VSTM2A: variants seen among roughly 807,000 people sequenced by gnomAD.
VSTM2A encodes the protein V-set and transmembrane domain containing 2A, also known as V-set and transmembrane domain-containing protein 2A.
In VSTM2A, 13 loss-of-function variants were observed where a neutral mutation model predicts 27.3. That is an observed-to-expected ratio of 0.48 (90% CI 0.31 to 0.76). The LOEUF (loss-of-function observed/expected upper bound fraction) is 0.76, where lower values mean the gene tolerates loss of function less well. Ranked by LOEUF, VSTM2A falls within the 30% of genes least tolerant of loss-of-function variation. VSTM2A has a pLI of 0.05. For synonymous variants in VSTM2A, 142 were observed against 125.7 expected, an observed-to-expected ratio of 1.13 and a Z score of -0.87; for missense variants, 280 against 310.0, an observed-to-expected ratio of 0.90 and a Z score of 0.73.
At chr7:54,550,254 A>G (rs1788146083) in intron 4 of VSTM2A, 84 bp downstream of exon 4, 1 of 1,530,126 alleles carries the variant, frequency 6.5e-7, no homozygotes, top group African/African-American at 1.4e-5. Flanking sequence ...AGACAGATTT[A>G]TGAATGGTGA....
At chr7:54,543,976 T>C (rs1787863124) in intron 1 of VSTM2A, among the ~76,000 whole-genome samples, 1 of 152,228 alleles carries the variant, frequency 6.6e-6, no homozygotes, top group Non-Finnish European at 1.5e-5. Context: ...GAACTAAGCC[T>C]GGATGTGTGA....
At chr7:54,548,024 A>T (rs1788058870) in intron 3 of VSTM2A, among the ~76,000 whole-genome samples, 2 of 152,218 alleles carry the variant, frequency 1.3e-5, no homozygotes, top group South Asian at 4.1e-4. Context: ...TACTTCAATT[A>T]TTCTTATATC....
intron 4 of VSTM2A, among the ~76,000 whole-genome samples, chr7:54,560,258 A>G (rs1328825804): frequency 1.3e-5 from 2 of 152,140 alleles, no homozygotes; most frequent in Non-Finnish European, 2.9e-5. Flanking sequence ...TGTTGTGAAA[A>G]TGGTCGGTAC....
intron 4 of VSTM2A, among the ~76,000 whole-genome samples, chr7:54,563,166 T>G (rs1470833741): frequency 6.6e-6 from 1 of 152,144 alleles, no homozygotes; most frequent in African/African-American, 2.4e-5. Context: ...TAAGCAGAAT[T>G]AGGAAAGTAT....
At chr7:54,561,389 A>G (rs1185591392) in intron 4 of VSTM2A, among the ~76,000 whole-genome samples, 1 of 146,600 alleles carries the variant, frequency 6.8e-6, no homozygotes, top group Non-Finnish European at 1.5e-5. Flanking sequence ...CGTTTAAGAA[A>G]ACAACTCCAG....
chr7:54,546,681 C>A (rs1584045362), intron 2 of VSTM2A: 2 of 264,648 alleles, frequency 7.6e-6, no homozygotes, highest in Non-Finnish European at 1.3e-5. Flanking sequence ...GGGACAGCGC[C>A]GGGACAGCGC....
At chr7:54,546,500 C>A (rs1787974808) in intron 2 of VSTM2A, among the ~76,000 whole-genome samples, 1 of 151,686 alleles carries the variant, frequency 6.6e-6, no homozygotes, top group African/African-American at 2.4e-5. Context: ...GAGCACTTCA[C>A]CTTCACTCAC....
chr7:54,544,497 C>A (rs1412957406), intron 1 of VSTM2A, 125 bp from the exon 2 acceptor site: 2 of 1,210,490 alleles, frequency 1.7e-6, no homozygotes, highest in Non-Finnish European at 1.2e-6. Flanking sequence ...CCAGACGAAG[C>A]CGAGGATGTA....
At chr7:54,556,531 A>T (rs1392961439) in intron 4 of VSTM2A, among the ~76,000 whole-genome samples, 5 of 152,190 alleles carry the variant, frequency 3.3e-5, no homozygotes, top group Non-Finnish European at 7.3e-5. Flanking sequence ...CAGTCATATA[A>T]TTCAGCCCTT....
At chr7:54,546,480 A>C (rs988903316) in intron 2 of VSTM2A, among the ~76,000 whole-genome samples, 3 of 151,496 alleles carry the variant, frequency 2.0e-5, no homozygotes, top group African/African-American at 7.3e-5. Flanking sequence ...AGGCGCGAAA[A>C]TTCGTCCCGG....
At chr7:54,564,850 T>C (rs1788671482) in intron 4 of VSTM2A, among the ~76,000 whole-genome samples, 1 of 22,292 alleles carries the variant, frequency 4.5e-5, no homozygotes, top group Admixed American at 3.6e-4. Context: ...GTCTATGCTA[T>C]GAAAAGTTCA....
chr7:54,547,068 G>A, intron 3 of VSTM2A, 71 bp downstream of exon 3: 2 of 1,486,132 alleles, frequency 1.3e-6, no homozygotes, highest in South Asian at 1.3e-5. Flanking sequence ...TCCCCGAGAA[G>A]GCGGCTTGCC....
chr7:54,548,606 G>A (rs918748618), intron 3 of VSTM2A, among the ~76,000 whole-genome samples: 2 of 152,230 alleles, frequency 1.3e-5, no homozygotes, highest in African/African-American at 4.8e-5. Context: ...TATAAAATGG[G>A]ATAATAATAT....
intron 2 of VSTM2A, 85 bp from the exon 3 acceptor site, chr7:54,546,862 C>A: frequency 6.5e-7 from 1 of 1,547,906 alleles, no homozygotes; most frequent in Non-Finnish European, 8.7e-7. Flanking sequence ...ACGGCCCTGC[C>A]CGGAGCCGCG....
At chr7:54,564,832 C>T (rs1260516727) in intron 4 of VSTM2A, among the ~76,000 whole-genome samples, 1 of 147,308 alleles carries the variant, frequency 6.8e-6, no homozygotes, top group Non-Finnish European at 1.5e-5. Context: ...CCTTTGTAAG[C>T]TGTAAAAGTC....
intron 4 of VSTM2A, among the ~76,000 whole-genome samples, chr7:54,555,044 A>C (rs977180740): frequency 6.6e-6 from 1 of 152,244 alleles, no homozygotes; most frequent in African/African-American, 2.4e-5. Context: ...AACTCTTTTA[A>C]TAGCATTTAT....
At chr7:54,554,741 G>A (rs1225411855) in intron 4 of VSTM2A, among the ~76,000 whole-genome samples, 1 of 152,198 alleles carries the variant, frequency 6.6e-6, no homozygotes, top group Non-Finnish European at 1.5e-5. Flanking sequence ...ACCTTGGTGT[G>A]CGAGCCTGGA....
chr7:54,560,595 T>G (rs1467532893), intron 4 of VSTM2A, among the ~76,000 whole-genome samples: 2 of 152,182 alleles, frequency 1.3e-5, no homozygotes, highest in Non-Finnish European at 2.9e-5. Context: ...TTTTACTTAA[T>G]GCAACTGCTT....
chr7:54,551,648 T>G (rs1311286414), intron 4 of VSTM2A: 1 of 152,230 alleles, frequency 6.6e-6, no homozygotes, highest in African/African-American at 2.4e-5. Flanking sequence ...GGTAACCAAA[T>G]GATGGTTACA....
Sources: gnomAD v4.1 joint callset for allele counts (sites outside exome capture counted in the v4.1 genomes callset) on GRCh38, gnomAD v4.1.1 for gene constraint, MANE v1.5 for transcripts, NCBI Gene and HGNC (gene_info 2026-07-23, HGNC 2026-07-21) for gene names.